ZFYVE16: variants seen among roughly 807,000 people sequenced by gnomAD.
The protein encoded by ZFYVE16 is zinc finger FYVE domain-containing protein 16.
ZFYVE16 carries 89 observed loss-of-function variants against 138.1 expected under a neutral mutation model. The observed-to-expected ratio is 0.64, with a 90% CI of 0.54 to 0.77. The LOEUF is 0.77. Ranked by LOEUF, ZFYVE16 falls within the 30% of genes least tolerant of loss-of-function variation. The pLI is 0.00. For missense variants in ZFYVE16, 1,793 were observed against 1,786.7 expected (o/e 1.00, Z -0.06); for synonymous variants, 596 against 618.3 (o/e 0.96, Z 0.53).
chr5:80,469,718 C>G (rs981755923), intron 15 of ZFYVE16, among the ~76,000 whole-genome samples: 1 of 151,768 alleles, frequency 6.6e-6, no homozygotes, highest in East Asian at 1.9e-4. Context: ...CCCATAGATT[C>G]TTGATGCTCT....
In ZFYVE16 at chr5:80,438,868, A is replaced by C; in HGVS notation, c.2183A>C (p.Glu728Ala). Residue 728 changes from glutamate to alanine, a missense_variant, in exon 4 of 19, where the codon GAA (glutamate) becomes GCA (alanine). Transcript: ENST00000505560. ...FVTANEDSVPENTCKEGLVLG... is the reference protein window; with the variant it reads ...FVTANEDSVPANTCKEGLVLG... ...ACTGCAAATGAAGATTCTGTACCTG[A>C]AAACACTTGCAAAGAAGGCTTGGTT... The C allele has an allele frequency of 5.0e-6, 8 of 1,614,142 alleles. No homozygotes were observed. Among genetic ancestry groups the C allele is most frequent in the Non-Finnish European group, 6.8e-6 (8 of 1,179,974 alleles).
chr5:80,414,874 A>G (rs917641689), intron 1 of ZFYVE16, among the ~76,000 whole-genome samples: 1 of 152,212 alleles, frequency 6.6e-6, no homozygotes, highest in Non-Finnish European at 1.5e-5. Context: ...TGCAGACTGT[A>G]GTATTAAATG....
At chr5:80,440,351 T>A in intron 5 of ZFYVE16, 1 of 1,020,112 alleles carries the variant, frequency 9.8e-7, no homozygotes, top group Non-Finnish European at 1.2e-6. Flanking sequence ...ATCATCTTAA[T>A]CTAAATAAAC....
chr5:80,473,068 A>G (rs1015229479), intron 16 of ZFYVE16, 145 bp downstream of exon 16: 11 of 848,426 alleles, frequency 1.3e-5, no homozygotes, highest in East Asian at 5.8e-5. Context: ...AATGAATGCA[A>G]TCTTTTTCAA....
chr5:80,413,561 C>T (rs1745778993), intron 1 of ZFYVE16, among the ~76,000 whole-genome samples: 1 of 151,888 alleles, frequency 6.6e-6, no homozygotes, highest in Non-Finnish European at 1.5e-5. Context: ...CAGAAGCAGT[C>T]TTTCTCAATC....
At chr5:80,426,228 G>A (rs113741472) in intron 1 of ZFYVE16, among the ~76,000 whole-genome samples, 5,476 of 125,926 alleles carry the variant, frequency 0.043, 148 homozygotes, top group Non-Finnish European at 0.059. Flanking sequence ...GTGTGTGTGT[G>A]TATGTGTGTG....
At position 80,464,405 on chromosome 5, in the gene ZFYVE16, T is replaced by G. The variant is rs544150352; in HGVS notation, c.4024+4911T>G. Among the ~76,000 whole-genome samples, 5 of 152,196 alleles carry G rather than the reference T, an allele frequency of 3.3e-5. No homozygotes were observed. In the East Asian group the frequency reaches 7.8e-4, roughly 24 times the overall value. On this transcript the variant is annotated intron_variant, in intron 15 of 18. Coordinates refer to ENST00000505560, the MANE Select transcript of ZFYVE16 (RefSeq NM_001284236.3). ...ATCAGATCTTGCAAGAACTGTCTCATTATCAGAAGAACAGCATGGAGGGAA... is the reference window on the plus strand; with the variant it reads ...ATCAGATCTTGCAAGAACTGTCTCAGTATCAGAAGAACAGCATGGAGGGAA...
At chr5:80,414,652 A>G (rs1045732057) in intron 1 of ZFYVE16, among the ~76,000 whole-genome samples, 2 of 152,228 alleles carry the variant, frequency 1.3e-5, no homozygotes, top group Admixed American at 6.5e-5. Flanking sequence ...ACTGGTCAAG[A>G]CATTTTGAAT....
chr5:80,407,846 G>A (rs893548043), upstream of ZFYVE16, among the ~76,000 whole-genome samples: 1 of 152,222 alleles, frequency 6.6e-6, no homozygotes. Flanking sequence ...ATCATCAGGC[G>A]TCCCCGTCAC....
At chr5:80,441,214 A>G (rs1750672661) in intron 5 of ZFYVE16, 1 of 985,472 alleles carries the variant, frequency 1.0e-6, no homozygotes, top group African/African-American at 1.7e-5. Flanking sequence ...GAAATTAAAC[A>G]TCCATGAAGA....
In ZFYVE16 at chr5:80,444,303, C is replaced by G. The variant is rs527338606; in HGVS notation, c.2582-960C>G. ...ATATGTATATATTCTATTGATAACC[C>G]AAATGATTAAATTATAAAAATGTTG... On this transcript the variant is annotated intron_variant, in intron 6 of 18. Coordinates refer to ENST00000505560, the MANE Select transcript of ZFYVE16 (RefSeq NM_001284236.3). Among the ~76,000 whole-genome samples the G allele has an allele frequency of 4.0e-5, 6 of 151,818 alleles. No individual in the cohort carries two copies. In the South Asian group the frequency reaches 1.3e-3, roughly 32 times the overall value.
At chr5:80,462,753 A>G (rs1753266786) in intron 15 of ZFYVE16, among the ~76,000 whole-genome samples, 1 of 152,222 alleles carries the variant, frequency 6.6e-6, no homozygotes, top group African/African-American at 2.4e-5. Flanking sequence ...TTGTAAAATC[A>G]AGAGCAAGTT....
In ZFYVE16 at chr5:80,437,013, A is replaced by G. The variant is rs763002263; in HGVS notation, c.328A>G (p.Thr110Ala). 15 of 1,614,078 alleles carry G rather than the reference A, an allele frequency of 9.3e-6. No individual in the cohort carries two copies. Among genetic ancestry groups the G allele is most frequent in the Non-Finnish European group, 1.3e-5 (15 of 1,180,038 alleles). The change falls in exon 4 of 19, where the codon ACT (threonine) becomes GCT (alanine). Residue 110 changes from threonine to alanine, a missense_variant. Thr to Ala is a moderately conservative substitution (Grantham distance 58). Around this residue, in one of 2 missense-constraint regions of ZFYVE16, gnomAD observed 1,295 missense variants for 1,204.3 expected, o/e 1.08. Transcript: ENST00000505560. ...TCTTCTTTCTTCTGTGGATGGTGGTACTTCAGATGAAATCCAGCCGTTATA... is the reference window on the plus strand; with the variant it reads ...TCTTCTTTCTTCTGTGGATGGTGGTGCTTCAGATGAAATCCAGCCGTTATA... ...LDLLSSVDGG[T>A]SDEIQPLYMG...
At chr5:80,429,685 G>A (rs1452275736) in intron 2 of ZFYVE16, among the ~76,000 whole-genome samples, 1 of 152,180 alleles carries the variant, frequency 6.6e-6, no homozygotes, top group African/African-American at 2.4e-5. Context: ...AGACCCATCA[G>A]TGTGCTATAT....
rs934825530 is a variant in ZFYVE16, at chr5:80,475,106, T to C, written c.4461+276T>C. 4.6e-5 allele frequency among the ~76,000 whole-genome samples: 7 copies of C among 152,324 alleles called. No homozygotes were observed. The East Asian group carries it at 1.3e-3, about 29-fold the overall frequency. ...TACCATTATATTGGGAAAGCAGCCA[T>C]TCACAGTATGTAAACAAATTAAGTG... On this transcript the variant is annotated intron_variant, in intron 18 of 18. Transcript: ENST00000505560.
At chr5:80,430,757 A>C (rs866958964) in intron 2 of ZFYVE16, among the ~76,000 whole-genome samples, 11 of 152,226 alleles carry the variant, frequency 7.2e-5, no homozygotes, top group Admixed American at 3.3e-4. Flanking sequence ...TAAAGGGGAT[A>C]ACACCACCGA....
chr5:80,463,697 T>C (rs1194447519), intron 15 of ZFYVE16, among the ~76,000 whole-genome samples: 1 of 152,202 alleles, frequency 6.6e-6, no homozygotes, highest in Non-Finnish European at 1.5e-5. Context: ...ATGCTCTGCT[T>C]CCCTTTTAAA....
In ZFYVE16 at chr5:80,438,022, C is replaced by T; in HGVS notation, c.1337C>T (p.Ser446Leu). ...AAATGTAAAAGCATACTCCTTCAGT[C>T]ATTAATTGAAGGGATGGAAGACAGA... ...QEKCKSILLQSLIEGMEDRKI... is the reference protein window; with the variant it reads ...QEKCKSILLQLLIEGMEDRKI... The change falls in exon 4 of 19, where the codon TCA becomes TTA. Residue 446 changes from serine (S) to leucine (L), a missense_variant. By Grantham distance (145) the Ser-to-Leu change is moderately radical. Transcript: ENST00000505560. 6.2e-7 allele frequency: 1 copy of T among 1,613,956 alleles called. No homozygotes were observed. Among genetic ancestry groups the T allele is most frequent in the South Asian group, 1.1e-5 (1 of 91,048 alleles).
intron 1 of ZFYVE16, among the ~76,000 whole-genome samples, chr5:80,416,421 A>G (rs1199974043): frequency 6.6e-6 from 1 of 151,600 alleles, no homozygotes; most frequent in Non-Finnish European, 1.5e-5. Flanking sequence ...ATGCCCGGCT[A>G]ATTTTTGTGT....
Sources: allele counts gnomAD v4.1 joint callset (sites outside exome capture counted in the v4.1 genomes callset), GRCh38; gene constraint gnomAD v4.1.1; regional missense constraint gnomAD v4.1.1; transcripts MANE v1.5; gene names NCBI Gene and HGNC (gene_info 2026-07-23, HGNC 2026-07-21).